The following LRP1B variants were observed in gnomAD, a reference collection of about 807,000 sequenced individuals.
The protein encoded by LRP1B is LDL receptor related protein 1B, also known as low-density lipoprotein receptor-related protein 1B.
LRP1B carries 217 observed loss-of-function variants against 556.6 expected under a neutral mutation model. That is an observed-to-expected ratio of 0.39 (90% confidence interval 0.35 to 0.44). The LOEUF is 0.44. LRP1B is among the 20% of genes least tolerant of loss of function. The pLI is 1.00. For synonymous variants in LRP1B, 2,047 were observed against 1,865.8 expected (o/e 1.10, Z -2.50); for missense variants, 5,053 against 5,620.8 (o/e 0.90, Z 3.23).
At chr2:141,546,384 T>G (rs567860820) in intron 2 of LRP1B, among the ~76,000 whole-genome samples, 1 of 152,294 alleles carries the variant, frequency 6.6e-6, no homozygotes, top group African/African-American at 2.4e-5. Context: ...GGTATCTAAC[T>G]GCTGATCCTA....
At chr2:141,983,452 A>T (rs550425739) in intron 1 of LRP1B, among the ~76,000 whole-genome samples, 2 of 151,232 alleles carry the variant, frequency 1.3e-5, no homozygotes, top group East Asian at 3.9e-4. Flanking sequence ...ATAAAACTAT[A>T]TTTTTTTTTA....
chr2:141,857,063 A>G (rs1008748569), intron 1 of LRP1B, among the ~76,000 whole-genome samples: 1 of 152,140 alleles, frequency 6.6e-6, no homozygotes, highest in Non-Finnish European at 1.5e-5. Flanking sequence ...GAAGCCATAT[A>G]TAAATCACTA....
chr2:141,066,415 G>T (rs781686050), intron 7 of LRP1B, among the ~76,000 whole-genome samples: 1 of 151,956 alleles, frequency 6.6e-6, no homozygotes, highest in Non-Finnish European at 1.5e-5. Flanking sequence ...GTCACAAAGG[G>T]AGCGCTCATG....
chr2:140,785,691 T>C (rs542057616), intron 32 of LRP1B, among the ~76,000 whole-genome samples: 13 of 152,134 alleles, frequency 8.5e-5, no homozygotes, highest in African/African-American at 3.1e-4. Flanking sequence ...TCCCTAAATA[T>C]CCTCCTGATG....
At chr2:141,037,096 T>C (rs1040510739) in intron 11 of LRP1B, among the ~76,000 whole-genome samples, 1 of 151,872 alleles carries the variant, frequency 6.6e-6, no homozygotes, top group South Asian at 2.1e-4. Context: ...GAGAGAAGGA[T>C]AAGAGTGTGG....
chr2:140,731,555 G>T (rs1687776665), intron 35 of LRP1B, among the ~76,000 whole-genome samples: 1 of 152,082 alleles, frequency 6.6e-6, no homozygotes, highest in East Asian at 1.9e-4. Flanking sequence ...GGATCACGAG[G>T]TCAAGAGATC....
At chr2:140,840,123 G>A in intron 30 of LRP1B, 38 bp from the exon 31 acceptor site, 1 of 1,164,454 alleles carries the variant, frequency 8.6e-7, no homozygotes. Flanking sequence ...AATATTAGAT[G>A]TAGACCTACT....
intron 46 of LRP1B, among the ~76,000 whole-genome samples, chr2:140,534,568 A>C (rs1334202587): frequency 6.6e-6 from 1 of 152,188 alleles, no homozygotes; most frequent in East Asian, 1.9e-4. Flanking sequence ...GCAACAAAGC[A>C]CGTATTCCTG....
chr2:141,704,046 T>C (rs887868645), intron 2 of LRP1B, among the ~76,000 whole-genome samples: 1 of 151,912 alleles, frequency 6.6e-6, no homozygotes, highest in African/African-American at 2.4e-5. Context: ...TATAGTTTAA[T>C]GGCAGAAACT....
At chr2:140,519,358 G>A (rs1048829231) in intron 49 of LRP1B, among the ~76,000 whole-genome samples, 15 of 152,228 alleles carry the variant, frequency 9.9e-5, no homozygotes, top group Admixed American at 3.3e-4. Context: ...CAAGAAATGG[G>A]GAAAGGATTC....
chr2:140,318,513 TTG>T (rs1316086182), intron 82 of LRP1B, among the ~76,000 whole-genome samples: 7 of 152,134 alleles, frequency 4.6e-5, no homozygotes, highest in African/African-American at 1.7e-4. Context: ...AGCCAAAAAC[TTG>T]TTTCATTTTC....
intron 1 of LRP1B, among the ~76,000 whole-genome samples, chr2:142,102,652 G>T (rs1029076550): frequency 6.6e-6 from 1 of 151,670 alleles, no homozygotes; most frequent in African/African-American, 2.4e-5. Context: ...CAAATCTTTT[G>T]CTATGAAACT....
intron 7 of LRP1B, among the ~76,000 whole-genome samples, chr2:141,155,084 T>C (rs1027450568): frequency 1.3e-5 from 2 of 151,970 alleles, no homozygotes; most frequent in African/African-American, 2.4e-5. Context: ...ATGAAATTCA[T>C]TGCCAGATTC....
intron 3 of LRP1B, among the ~76,000 whole-genome samples, chr2:141,472,118 G>A (rs1324433320): frequency 6.6e-6 from 1 of 152,208 alleles, no homozygotes; most frequent in Non-Finnish European, 1.5e-5. Context: ...AGAAATAATA[G>A]GAGTTGTTTG....
At chr2:141,912,968 A>T (rs1218464024) in intron 1 of LRP1B, among the ~76,000 whole-genome samples, 1 of 152,010 alleles carries the variant, frequency 6.6e-6, no homozygotes, top group Non-Finnish European at 1.5e-5. Context: ...TGTCATGGAG[A>T]ACTTGTATTA....
At chr2:140,977,843 C>G (rs1297520909) in intron 18 of LRP1B, among the ~76,000 whole-genome samples, 1 of 152,092 alleles carries the variant, frequency 6.6e-6, no homozygotes, top group Admixed American at 6.6e-5. Context: ...GGGTCCCACT[C>G]CTAGAGATTC....
At chr2:141,138,266 TTCAAATAG>T (rs1467346065) in intron 7 of LRP1B, among the ~76,000 whole-genome samples, 1 of 152,012 alleles carries the variant, frequency 6.6e-6, no homozygotes, top group Non-Finnish European at 1.5e-5. Context: ...AGTGAACTTC[TTCAAATAG>T]ATAACGGGAT....
chr2:141,217,716 CA>C (rs1350230089), intron 6 of LRP1B, among the ~76,000 whole-genome samples: 1 of 151,990 alleles, frequency 6.6e-6, no homozygotes, highest in African/African-American at 2.4e-5. Flanking sequence ...ACAAATGCAA[CA>C]AAAACAAAAA....
At chr2:141,480,061 A>G (rs1037697247) in intron 3 of LRP1B, among the ~76,000 whole-genome samples, 2 of 152,134 alleles carry the variant, frequency 1.3e-5, no homozygotes, top group African/African-American at 4.8e-5. Context: ...TGTGATATCA[A>G]TCTGCTGTGA....
Sources: allele counts gnomAD v4.1 joint callset (sites outside exome capture counted in the v4.1 genomes callset), GRCh38; gene constraint gnomAD v4.1.1; transcripts MANE v1.5; gene names NCBI Gene and HGNC (gene_info 2026-07-23, HGNC 2026-07-21).